Variants in TTC7B observed in about 807,000 individuals in gnomAD.
TTC7B encodes the protein tetratricopeptide repeat domain 7B.
A neutral mutation model predicts 106.8 loss-of-function variants in TTC7B; 28 were observed. That is an observed-to-expected ratio of 0.26 (90% confidence interval 0.19 to 0.36). The LOEUF (loss-of-function observed/expected upper bound fraction) is 0.36. Ranked by LOEUF, TTC7B falls within the 10% of genes least tolerant of loss-of-function variation. TTC7B has a pLI of 1.00. For synonymous variants in TTC7B, 405 were observed against 430.6 expected, an observed-to-expected ratio of 0.94 and a Z score of 0.74; for missense variants, 862 against 1,076.4, an observed-to-expected ratio of 0.80 and a Z score of 2.79.
At position 90,705,379 on chromosome 14, in the gene TTC7B, G is replaced by A. The variant is rs565721753; in HGVS notation, c.699-9801C>T. 5.3e-5 allele frequency among the ~76,000 whole-genome samples: 8 copies of A among 152,258 alleles called. No individual in the cohort carries two copies. In the South Asian group the frequency reaches 1.5e-3, roughly 28 times the overall value. ...TCGTTACTCGCAACTGATAAGGAGG[G>A]AAACTGAGTCCCAGAGAGAGAAGAA... On this transcript the variant is annotated intron_variant, in intron 5 of 19. Transcript: ENST00000328459.
intron 8 of TTC7B, among the ~76,000 whole-genome samples, chr14:90,678,667 G>T (rs930470788): frequency 1.3e-5 from 2 of 152,082 alleles, no homozygotes; most frequent in Non-Finnish European, 2.9e-5. Context: ...ACATACCATA[G>T]AGCCAAATCT....
At chr14:90,744,749 G>A in intron 4 of TTC7B, 43 bp downstream of exon 4, 21 of 1,599,022 alleles carry the variant, frequency 1.3e-5, no homozygotes, top group Non-Finnish European at 1.8e-5. Context: ...TATCTGATTT[G>A]AGGGAAAAAG....
chr14:90,604,576 C>T (rs1223432187), intron 17 of TTC7B, among the ~76,000 whole-genome samples: 4 of 152,164 alleles, frequency 2.6e-5, no homozygotes, highest in Non-Finnish European at 5.9e-5. Flanking sequence ...TTCTTTCTGG[C>T]AGCAGTTCCC....
intron 18 of TTC7B, among the ~76,000 whole-genome samples, chr14:90,592,407 G>C (rs933037986): frequency 5.3e-5 from 8 of 152,120 alleles, no homozygotes; most frequent in African/African-American, 1.9e-4. Context: ...TGGGATTCTC[G>C]TTATTAAAAT....
intron 3 of TTC7B, among the ~76,000 whole-genome samples, chr14:90,758,684 C>T (rs1442761031): frequency 1.3e-5 from 2 of 152,198 alleles, no homozygotes; most frequent in African/African-American, 4.8e-5. Context: ...TCCCAAGACT[C>T]GTTCACAGGC....
chr14:90,771,940 G>T (rs1210001977), intron 3 of TTC7B, among the ~76,000 whole-genome samples: 1 of 142,908 alleles, frequency 7.0e-6, no homozygotes, highest in African/African-American at 2.6e-5. Context: ...ATATTTATAT[G>T]TATAAATTTT....
chr14:90,630,531 C>A (rs1226199809), intron 15 of TTC7B, among the ~76,000 whole-genome samples: 1 of 152,212 alleles, frequency 6.6e-6, no homozygotes, highest in South Asian at 2.1e-4. Flanking sequence ...TTTAAGCGTA[C>A]AGTTTAGTGG....
rs190196276 is a variant in TTC7B at position 90,583,748 on chromosome 14, G to A, written c.2108-5440C>T. 1.4e-4 allele frequency among the ~76,000 whole-genome samples: 21 copies of A among 152,248 alleles called. 1 individual carries two copies. The highest frequency in any genetic ancestry group is 1.2e-3 in the South Asian group (6 of 4,814). Reference sequence around the variant, plus strand: ...GCGTGGATACTTCCTACCTTATTTTGAGAGCTCCATAAGCTCTGAATGTTC... The same window carrying A: ...GCGTGGATACTTCCTACCTTATTTTAAGAGCTCCATAAGCTCTGAATGTTC... On this transcript the variant is annotated intron_variant, in intron 18 of 19. Coordinates refer to ENST00000328459, the MANE Select transcript of TTC7B (RefSeq NM_001010854.2).
At chr14:90,734,256 T>G (rs1889432848) in intron 4 of TTC7B, among the ~76,000 whole-genome samples, 1 of 151,880 alleles carries the variant, frequency 6.6e-6, no homozygotes, top group African/African-American at 2.4e-5. Flanking sequence ...CCGTCTCTAC[T>G]AAAAATACAA....
At chr14:90,695,809 T>C (rs1887723201) in intron 5 of TTC7B, among the ~76,000 whole-genome samples, 1 of 151,258 alleles carries the variant, frequency 6.6e-6, no homozygotes, top group Non-Finnish European at 1.5e-5. Flanking sequence ...AATAAAAATT[T>C]GAAAATCAGT....
chr14:90,774,806 G>A (rs8017848), intron 3 of TTC7B, among the ~76,000 whole-genome samples: 42,069 of 152,116 alleles, frequency 0.28, 9,637 homozygotes, highest in African/African-American at 0.63. Context: ...TTGGGAGGCC[G>A]AGGCGGGTGG....
chr14:90,562,284 C>T (rs1890627888), intron 19 of TTC7B, among the ~76,000 whole-genome samples: 1 of 152,198 alleles, frequency 6.6e-6, no homozygotes, highest in Admixed American at 6.5e-5. Flanking sequence ...CCCAACCAGG[C>T]TCCTGAACCA....
chr14:90,756,463 G>A (rs1350886063), intron 3 of TTC7B, among the ~76,000 whole-genome samples: 2 of 148,718 alleles, frequency 1.3e-5, no homozygotes, highest in South Asian at 4.2e-4. Flanking sequence ...GCGCGATCTC[G>A]GCTCACTGCA....
intron 17 of TTC7B, among the ~76,000 whole-genome samples, chr14:90,597,501 T>C (rs1452644096): frequency 6.6e-6 from 1 of 151,862 alleles, no homozygotes; most frequent in Non-Finnish European, 1.5e-5. Flanking sequence ...CTACTAAAAA[T>C]ACAAAAAGTA....
At chr14:90,589,254 T>TA (rs1028668321) in intron 18 of TTC7B, among the ~76,000 whole-genome samples, 29 of 151,412 alleles carry the variant, frequency 1.9e-4, no homozygotes, top group South Asian at 4.2e-4. Flanking sequence ...ATCTTACAGA[T>TA]AAAAAAAAAT....
chr14:90,612,649 C>T (rs1892921720), intron 16 of TTC7B, among the ~76,000 whole-genome samples: 1 of 152,202 alleles, frequency 6.6e-6, no homozygotes, highest in Admixed American at 6.5e-5. Flanking sequence ...CTGTGCCTCA[C>T]TGACTTCCCT....
At chr14:90,694,720 AGG>A (rs1887623498) in intron 6 of TTC7B, among the ~76,000 whole-genome samples, 4 of 130,386 alleles carry the variant, frequency 3.1e-5, no homozygotes, top group African/African-American at 5.5e-5. Context: ...ATTATAAAAT[AGG>A]TATATTTTAT....
chr14:90,734,517 G>C (rs775844043), intron 4 of TTC7B, among the ~76,000 whole-genome samples: 14 of 151,758 alleles, frequency 9.2e-5, no homozygotes, highest in Non-Finnish European at 1.6e-4. Flanking sequence ...ATCATGCTTT[G>C]AAAAGCATCA....
intron 19 of TTC7B, among the ~76,000 whole-genome samples, chr14:90,562,967 G>A (rs978645928): frequency 5.3e-5 from 8 of 151,988 alleles, no homozygotes; most frequent in African/African-American, 9.7e-5. Context: ...AACCCCTGCC[G>A]CACCATACCC....
Sources: allele counts gnomAD v4.1 joint callset (sites outside exome capture counted in the v4.1 genomes callset), GRCh38; gene constraint gnomAD v4.1.1; transcripts MANE v1.5; gene names NCBI Gene and HGNC (gene_info 2026-07-23, HGNC 2026-07-21).